Variants in FHOD1 observed in about 807,000 individuals in gnomAD.
FHOD1 encodes the protein formin homology 2 domain containing 1, also known as FH1/FH2 domain-containing protein 1.
A neutral mutation model predicts 111.6 loss-of-function variants in FHOD1; 89 were observed. The observed-to-expected ratio is 0.80, with a 90% confidence interval of 0.67 to 0.95. FHOD1 has a LOEUF of 0.95. Among genes scored for constraint, FHOD1 ranks in the 40% least tolerant of loss-of-function variants. The pLI, the probability that FHOD1 is intolerant of heterozygous loss-of-function variation, is 0.00. For missense variants in FHOD1, 1,446 were observed against 1,554.2 expected (o/e 0.93, Z 1.17); for synonymous variants, 618 against 639.0 (o/e 0.97, Z 0.50).
Position 67,231,702 on chromosome 16 carries a change from T to C in FHOD1, c.2320A>G (p.Ile774Val). The change falls in exon 15 of 22, where the codon ATT (isoleucine) becomes GTT (valine). Residue 774 changes from isoleucine (I) to valine (V), a missense_variant. By Grantham distance (29) the Ile-to-Val change is conservative (BLOSUM62 3). Transcript: ENST00000258201. The surrounding 1 kb of genome is among the most constrained non-coding windows in gnomAD (Gnocchi z 4.3). ...TGTAGACGAGCAGCGAGGCCGCCAA[T>C]GGAGGCAAGAGTCATCAGGAAGTTC... is the stretch of plus-strand genomic sequence containing the variant. ...AENFLMTLASIGGLAARLQLW... is the reference protein window; with the variant it reads ...AENFLMTLASVGGLAARLQLW... 2.5e-6 allele frequency: 4 copies of C among 1,614,108 alleles called. No individual in the cohort carries two copies. The highest frequency in any genetic ancestry group is 1.1e-5 in the South Asian group (1 of 91,070).
At chr16:67,239,105 G>T (rs559276313) in intron 2 of FHOD1, 138 bp from the exon 3 acceptor site, 1 of 859,990 alleles carries the variant, frequency 1.2e-6, no homozygotes. Flanking sequence ...AGAACCCAAG[G>T]GTTGGTCGGA....
rs751015381 is a variant in FHOD1 at position 67,238,077 on chromosome 16, TG to T, written c.598del (p.His200ThrfsTer20). ...GTACAGCCACTGAATAGTGTCACTG[TG>T]GGCCACCACCCCCAGCATTCCATCC... ...FVDGMLGVVA[H>X]SDTIQWLYTL... On this transcript the variant is annotated frameshift_variant, in exon 6 of 22. Coordinates refer to ENST00000258201, the MANE Select transcript of FHOD1 (RefSeq NM_013241.3). LOFTEE classifies it high-confidence loss of function. The surrounding 1 kb of genome is among the most constrained non-coding windows in gnomAD (Gnocchi z 4.2). The T allele has an allele frequency of 1.9e-6, 3 of 1,614,096 alleles. No homozygotes were observed. Among genetic ancestry groups the T allele is most frequent in the Non-Finnish European group, 2.5e-6 (3 of 1,180,038 alleles).
intron 1 of FHOD1, among the ~76,000 whole-genome samples, chr16:67,244,442 G>T (rs1045398806): frequency 6.6e-6 from 1 of 152,104 alleles, no homozygotes; most frequent in African/African-American, 2.4e-5. Context: ...CACTAGGCCC[G>T]GCCCAAGACA....
rs1427835091 is a variant in FHOD1 at position 67,237,455 on chromosome 16, C to T, written c.849+20G>A. On this transcript the variant is annotated intron_variant, in intron 8 of 21. Coordinates refer to ENST00000258201, the MANE Select transcript of FHOD1 (RefSeq NM_013241.3). The surrounding 1 kb of genome is among the most constrained non-coding windows in gnomAD (Gnocchi z 5.6). ...AGGAGCCTGAGCATCCCAGAGCTGG[C>T]ACCCAGTCCTTGGCCACACCTTGTT... 1.9e-6 allele frequency: 3 copies of T among 1,614,160 alleles called. No homozygotes were observed. The highest frequency in any genetic ancestry group is 2.5e-6 in the Non-Finnish European group (3 of 1,180,004).
chr16:67,230,465 G>A lies in FHOD1; in HGVS notation c.2900C>T (p.Ala967Val), dbSNP rs190207170. ...CTGCATGATGCGCACTTCACGGGCC[G>A]CCTGCGGGGTGTAGCCCAGGTAGAG... is the stretch of plus-strand genomic sequence containing the variant. The part of the protein sequence containing the change: ...FLLYLGYTPQ[A>V]AREVRIMQFC... The change falls in exon 19 of 22, where the codon GCG becomes GTG. Residue 967 changes from alanine (A) to valine (V), a missense_variant. Ala to Val is a moderately conservative substitution (Grantham distance 64). Coordinates refer to ENST00000258201, the MANE Select transcript of FHOD1 (RefSeq NM_013241.3). The A allele has an allele frequency of 2.7e-5, 43 of 1,614,256 alleles. No individual in the cohort carries two copies. The highest frequency in any genetic ancestry group is 1.1e-4 in the East Asian group (5 of 44,884).
At position 67,229,629 on chromosome 16, in the gene FHOD1, A is replaced by G. The variant is rs1156368425; in HGVS notation, c.*7T>C. 1.9e-6 allele frequency: 3 copies of G among 1,613,134 alleles called. No homozygotes were observed. The highest frequency in any genetic ancestry group is 2.5e-6 in the Non-Finnish European group (3 of 1,179,226). Reference sequence around the variant, plus strand: ...GGGTCCAGATAGATTTCCGGGATACAGCACCTTCACACCTCCAGGCCAGGA... The same window carrying G: ...GGGTCCAGATAGATTTCCGGGATACGGCACCTTCACACCTCCAGGCCAGGA... On this transcript the variant is annotated 3_prime_UTR_variant, in exon 22 of 22. Transcript: ENST00000258201.
At chr16:67,233,591 T>TC (rs1171890632) in intron 13 of FHOD1, 66 bp downstream of exon 13, 2 of 1,508,294 alleles carry the variant, frequency 1.3e-6, no homozygotes, top group Middle Eastern at 1.8e-4. Flanking sequence ...CTCCAACAGG[T>TC]CAGATCCTTA....
At chr16:67,232,518 CAAAAAAAAAAAAA>C (rs988902359) in intron 13 of FHOD1, among the ~76,000 whole-genome samples, 1 of 48,606 alleles carries the variant, frequency 2.1e-5, no homozygotes, top group Non-Finnish European at 4.4e-5. Flanking sequence ...GACTCTGTCT[CAAAAAAAAAAAAA>C]AAAAAAAAAA....
rs753857928 is a variant in FHOD1 at position 67,236,985 on chromosome 16, C to T, written c.1123G>A (p.Ala375Thr). The T allele has an allele frequency of 6.3e-7, 1 of 1,598,448 alleles. No individual in the cohort carries two copies. ...RRSLEGGGCPARAPEPGPTGP... is the reference protein window; with the variant it reads ...RRSLEGGGCPTRAPEPGPTGP... The stretch of plus-strand genomic sequence containing the variant: ...ACTTACCCAGGTTCCGGGGCACGCG[C>T]GGGGCAGCCCCCGCCTTCCAGAGAA... The change falls in exon 10 of 22, where the codon GCG becomes ACG. Residue 375 changes from alanine to threonine, a missense_variant. By Grantham distance (58) the Ala-to-Thr change is moderately conservative. This residue lies in a region of FHOD1 where 1,085 missense variants were observed against 1,108.8 expected (regional missense o/e 0.98). Coordinates refer to ENST00000258201, the MANE Select transcript of FHOD1 (RefSeq NM_013241.3).
chr16:67,233,525 C>A, intron 13 of FHOD1, 132 bp downstream of exon 13: 3 of 1,311,114 alleles, frequency 2.3e-6, no homozygotes, highest in Non-Finnish European at 3.1e-6. Context: ...AGACCTTGGA[C>A]AATTTCCTAC....
Position 67,231,219 on chromosome 16 carries a change from G to A in FHOD1, c.2636C>T (p.Ser879Leu), listed in dbSNP as rs146794927. ...ACAGCGGGTCAGGGCAGGGATTTCT[G>A]AATAGAGGTCAGAGGACTCAGGCCG... Reference protein sequence around the residue: ...QTRPESSDLYSEIPALTRCAK... With the variant: ...QTRPESSDLYLEIPALTRCAK... The change falls in exon 17 of 22, where the codon TCA (serine) becomes TTA (leucine). Residue 879 changes from serine (S) to leucine (L), a missense_variant. Ser to Leu is a moderately radical substitution (Grantham distance 145, BLOSUM62 -2). Coordinates refer to ENST00000258201, the MANE Select transcript of FHOD1 (RefSeq NM_013241.3). This position sits in a 1 kb window ranked among gnomAD's most constrained non-coding sequence, Gnocchi z 4.3. 6.2e-7 allele frequency: 1 copy of A among 1,614,210 alleles called. No homozygotes were observed. Among genetic ancestry groups the A allele is most frequent in the Non-Finnish European group, 8.5e-7 (1 of 1,180,028 alleles).
intron 1 of FHOD1, among the ~76,000 whole-genome samples, chr16:67,245,764 G>C (rs1001843256): frequency 2.0e-5 from 3 of 151,932 alleles, no homozygotes; most frequent in Non-Finnish European, 4.4e-5. Context: ...AAAATCGGGG[G>C]GGTGGTGTCA....
rs1365394272 is a variant in FHOD1, at chr16:67,230,101, C to T, written c.3179G>A (p.Arg1060Lys). ...GCGATTGTGTGTGGTGTCCTCAGGC[C>T]TGCTGGTCAGCAGACTCTTCATACT... is the stretch of plus-strand genomic sequence containing the variant. Reference protein sequence around the residue: ...HASMKSLLTSRPEDTTHNRRS... With the variant: ...HASMKSLLTSKPEDTTHNRRS... Residue 1060 changes from arginine (R) to lysine (K), a missense_variant, in exon 20 of 22, where the codon AGG (arginine) becomes AAG (lysine). Transcript: ENST00000258201. 2.5e-6 allele frequency: 4 copies of T among 1,614,098 alleles called. No homozygotes were observed. Among genetic ancestry groups the T allele is most frequent in the Non-Finnish European group, 3.4e-6 (4 of 1,180,040 alleles).
chr16:67,233,791 C>T lies in FHOD1; in HGVS notation c.1912G>A (p.Gly638Arg), dbSNP rs1395080745. Residue 638 changes from glycine to arginine, a missense_variant, in exon 13 of 22, where the codon GGG (glycine) becomes AGG (arginine). Around this residue, in one of 3 missense-constraint regions of FHOD1, gnomAD observed 1,085 missense variants for 1,108.8 expected, o/e 0.98. Transcript: ENST00000258201. ...KLFWRELKLA[G>R]GHGVSASRFG... ...CGGCTTGCAGAGACTCCATGGCCCCCAGCCAGCTTCAGCTCACGCCAGAAA... is the reference window on the plus strand; with the variant it reads ...CGGCTTGCAGAGACTCCATGGCCCCTAGCCAGCTTCAGCTCACGCCAGAAA... The T allele has an allele frequency of 3.7e-6, 6 of 1,613,726 alleles. No individual in the cohort carries two copies. Among genetic ancestry groups the T allele is most frequent in the African/African-American group, 2.7e-5 (2 of 74,888 alleles).
intron 1 of FHOD1, among the ~76,000 whole-genome samples, chr16:67,239,853 G>A (rs1205473120): frequency 6.6e-6 from 1 of 152,154 alleles, no homozygotes; most frequent in Non-Finnish European, 1.5e-5. Context: ...TATCTATAGA[G>A]CCTGGCATAG....
In FHOD1 at chr16:67,236,992, G is replaced by A; in HGVS notation, c.1116C>T (p.Gly372=). The part of the protein sequence containing the change: ...KRSRRSLEGG[G]CPARAPEPGP... The stretch of plus-strand genomic sequence containing the variant: ...CAGGTTCCGGGGCACGCGCGGGGCA[G>A]CCCCCGCCTTCCAGAGAACGGCGGC... Residue 372 remains glycine (G), a synonymous_variant, in exon 10 of 22, where the codon GGC becomes GGT. Transcript: ENST00000258201. 6.2e-7 allele frequency: 1 copy of A among 1,604,648 alleles called. No individual in the cohort carries two copies. Among genetic ancestry groups the A allele is most frequent in the Non-Finnish European group, 8.5e-7 (1 of 1,175,980 alleles).
chr16:67,242,852 T>A (rs1263156859), intron 1 of FHOD1, among the ~76,000 whole-genome samples: 1 of 152,156 alleles, frequency 6.6e-6, no homozygotes, highest in African/African-American at 2.4e-5. Flanking sequence ...CAGGGGACCA[T>A]GGCATCTACT....
At position 67,231,569 on chromosome 16, in the gene FHOD1, ACT is replaced by A. The variant is rs1190938286; in HGVS notation, c.2386-22_2386-21del. ...AATTTCCTGGTATGGGAGACCAGGGACTCTCAGACTACATGGTCATGATGCTT... is the reference window on the plus strand; with the variant it reads ...AATTTCCTGGTATGGGAGACCAGGGACTCAGACTACATGGTCATGATGCTT... On this transcript the variant is annotated intron_variant, in intron 15 of 21. Coordinates refer to ENST00000258201, the MANE Select transcript of FHOD1 (RefSeq NM_013241.3). This position sits in a 1 kb window ranked among gnomAD's most constrained non-coding sequence, Gnocchi z 4.3. 1.1e-5 allele frequency: 17 copies of A among 1,613,768 alleles called. No homozygotes were observed. The highest frequency in any genetic ancestry group is 1.4e-5 in the Non-Finnish European group (16 of 1,179,970).
At chr16:67,245,986 T>C (rs1017584600) in intron 1 of FHOD1, among the ~76,000 whole-genome samples, 1 of 152,142 alleles carries the variant, frequency 6.6e-6, no homozygotes, top group Non-Finnish European at 1.5e-5. Context: ...CCCCTCTGAA[T>C]AGGGCAAGAG....
Sources: allele counts gnomAD v4.1 joint callset (sites outside exome capture counted in the v4.1 genomes callset), GRCh38; gene constraint gnomAD v4.1.1; regional missense constraint gnomAD v4.1.1; non-coding constraint Gnocchi (gnomAD v3.1); transcripts MANE v1.5; gene names NCBI Gene and HGNC (gene_info 2026-07-23, HGNC 2026-07-21).